The following FLACC1 variants were observed in gnomAD, a reference collection of about 807,000 sequenced individuals.
FLACC1 encodes the protein flagellum associated containing coiled-coil domains 1, also known as flagellum-associated coiled-coil domain-containing protein 1.
Under a neutral mutation model 62.8 loss-of-function variants are expected in FLACC1, and 66 were observed. The ratio of observed to expected loss-of-function variants is 1.05; its 90% confidence interval spans 0.86 to 1.29. The LOEUF (loss-of-function observed/expected upper bound fraction) is 1.29. Among genes scored for constraint, FLACC1 ranks in the 50% most tolerant of loss-of-function variants. The pLI is 0.00. For synonymous variants in FLACC1, 156 were observed against 161.0 expected (o/e 0.97, Z 0.24); for missense variants, 452 against 489.1 (o/e 0.92, Z 0.71).
chr2:201,302,226 A>G (rs1383549074), intron 11 of FLACC1, among the ~76,000 whole-genome samples: 1 of 152,226 alleles, frequency 6.6e-6, no homozygotes, highest in Admixed American at 6.5e-5. Context: ...AAATAAAAGG[A>G]TGGAGTAAGA....
intron 12 of FLACC1, among the ~76,000 whole-genome samples, chr2:201,295,309 C>G (rs959715371): frequency 2.0e-5 from 3 of 152,242 alleles, no homozygotes; most frequent in African/African-American, 4.8e-5. Context: ...GGTACCAAAA[C>G]AGAGATATAG....
upstream of FLACC1, among the ~76,000 whole-genome samples, chr2:201,359,054 G>A (rs1043176457): frequency 6.6e-6 from 1 of 152,218 alleles, no homozygotes; most frequent in African/African-American, 2.4e-5. Flanking sequence ...GTCTGTGGCA[G>A]TGGTCGTCAT....
intron 9 of FLACC1, among the ~76,000 whole-genome samples, chr2:201,309,905 C>CAAAAAAAAAAAAAAAAAAAAAA (rs1161849891): frequency 4.5e-5 from 2 of 44,638 alleles, no homozygotes; most frequent in Admixed American, 2.9e-4. Context: ...GACTCTGTCT[C>CAAAAAAAAAAAAAAAAAAAAAA]AAAAAAAAAA....
At position 201,351,308 on chromosome 2, in the gene FLACC1, A is replaced by G. The variant is rs1346593859; in HGVS notation, c.97T>C (p.Ser33Pro). 5 of 1,613,290 alleles carry G rather than the reference A, an allele frequency of 3.1e-6. No individual in the cohort carries two copies. In the African/African-American group the frequency reaches 6.7e-5, roughly 22 times the overall value. The change falls in exon 2 of 15, where the codon TCC becomes CCC. Residue 33 changes from serine (S) to proline (P), a missense_variant. Physicochemically the swap from Ser to Pro is moderately conservative, Grantham distance 74. This residue lies in a region of FLACC1 where 147 missense variants were observed against 152.7 expected (regional missense o/e 0.96). Transcript: ENST00000392257. ...IKTPQLPRKN[S>P]TGSSKLTPLV... is the part of the protein sequence containing the mutation. The stretch of plus-strand genomic sequence containing the variant: ...AATTCTTACTTGGAACTCCCTGTGG[A>G]GTTCTTGCGTGGTAGTTGAGGGGTC...
chr2:201,305,411 G>C (rs182504074), intron 11 of FLACC1, among the ~76,000 whole-genome samples: 1 of 152,190 alleles, frequency 6.6e-6, no homozygotes, highest in East Asian at 1.9e-4. Flanking sequence ...TTAGAATGGC[G>C]ATCATTAAAA....
chr2:201,341,134 T>G (rs960013771), intron 7 of FLACC1, among the ~76,000 whole-genome samples: 1 of 152,138 alleles, frequency 6.6e-6, no homozygotes, highest in African/African-American at 2.4e-5. Context: ...ACAGGAACTC[T>G]CTGTACTTTC....
At chr2:201,327,823 G>A (rs1162051075) in intron 9 of FLACC1, among the ~76,000 whole-genome samples, 3 of 152,076 alleles carry the variant, frequency 2.0e-5, no homozygotes, top group Non-Finnish European at 2.9e-5. Flanking sequence ...CTACCGAAAG[G>A]AAAATGAGTC....
chr2:201,360,024 T>C (rs1264568802), upstream of FLACC1, among the ~76,000 whole-genome samples: 1 of 151,908 alleles, frequency 6.6e-6, no homozygotes, highest in South Asian at 2.1e-4. Context: ...GCTGAAGGAA[T>C]ACCCCAGCCA....
chr2:201,300,082 C>G (rs56328050), intron 11 of FLACC1, among the ~76,000 whole-genome samples: 12,878 of 152,262 alleles, frequency 0.085, 734 homozygotes, highest in Non-Finnish European at 0.13. Flanking sequence ...GGGTGCAGGA[C>G]AGTGGGTGCA....
chr2:201,322,331 T>C (rs979158590), intron 9 of FLACC1, among the ~76,000 whole-genome samples: 1 of 150,282 alleles, frequency 6.7e-6, no homozygotes, highest in Non-Finnish European at 1.5e-5. Context: ...CACAGGGGAA[T>C]GAGATAAGCT....
intron 11 of FLACC1, among the ~76,000 whole-genome samples, chr2:201,306,292 C>T (rs898524523): frequency 2.6e-4 from 39 of 151,938 alleles, no homozygotes; most frequent in African/African-American, 9.2e-4. Context: ...CTCACTATCA[C>T]GAGAACAGAA....
chr2:201,292,479 G>T (rs1949758690), intron 12 of FLACC1, among the ~76,000 whole-genome samples: 1 of 152,176 alleles, frequency 6.6e-6, no homozygotes, highest in Non-Finnish European at 1.5e-5. Flanking sequence ...CAAATGCTGA[G>T]AGATTTGGTC....
chr2:201,346,712 T>C lies in FLACC1; in HGVS notation c.235-37A>G. 1 of 1,612,902 alleles carries C rather than the reference T, an allele frequency of 6.2e-7. No homozygotes were observed. The highest frequency in any genetic ancestry group is 8.5e-7 in the Non-Finnish European group (1 of 1,179,720). Reference sequence around the variant, plus strand: ...GGGAAAGTAAGATAAAATGGCAGACTTGGAGTGCTGAGATTTTTCCAAATC... The same window carrying C: ...GGGAAAGTAAGATAAAATGGCAGACCTGGAGTGCTGAGATTTTTCCAAATC... On this transcript the variant is annotated intron_variant, in intron 4 of 14. Transcript: ENST00000392257. This position sits in a 1 kb window ranked among gnomAD's most constrained non-coding sequence, Gnocchi z 4.0.
chr2:201,342,297 A>G, intron 7 of FLACC1, 73 bp downstream of exon 7: 2 of 1,499,280 alleles, frequency 1.3e-6, no homozygotes, highest in South Asian at 2.3e-5. Context: ...GTCCCAGTGA[A>G]CTAAAATCCT....
At chr2:201,336,216 G>A (rs1357915429) in intron 7 of FLACC1, among the ~76,000 whole-genome samples, 1 of 152,000 alleles carries the variant, frequency 6.6e-6, no homozygotes, top group African/African-American at 2.4e-5. Context: ...GTATCTATGT[G>A]TACACAATGT....
upstream of FLACC1, among the ~76,000 whole-genome samples, chr2:201,358,411 ATTTTT>A (rs529458487): frequency 0.42 from 49,796 of 119,882 alleles, 9,392 homozygotes; most frequent in South Asian, 0.54. Context: ...TGCCCAGCTA[ATTTTT>A]TTTTTTTTTT....
chr2:201,330,971 CT>C (rs375781288), intron 7 of FLACC1, 138 bp from the exon 8 acceptor site: 77,121 of 416,722 alleles, frequency 0.19, 1 homozygote, highest in South Asian at 0.23. Context: ...ATTTTTAAAT[CT>C]TTTTTTTTTT....
chr2:201,323,803 AGT>A (rs138863480), intron 9 of FLACC1, among the ~76,000 whole-genome samples: 5,040 of 119,012 alleles, frequency 0.042, 170 homozygotes, highest in African/African-American at 0.066. Context: ...AAAAAAAAAA[AGT>A]AAGGAAGGAA....
At chr2:201,294,098 G>A (rs898404707) in intron 12 of FLACC1, among the ~76,000 whole-genome samples, 1 of 152,206 alleles carries the variant, frequency 6.6e-6, no homozygotes, top group Non-Finnish European at 1.5e-5. Flanking sequence ...GAGGTACAAG[G>A]AGGAGCTGGT....
Sources: gnomAD v4.1 joint callset for allele counts (sites outside exome capture counted in the v4.1 genomes callset) on GRCh38, gnomAD v4.1.1 for gene constraint, gnomAD v4.1.1 regional missense constraint, Gnocchi (gnomAD v3.1) non-coding constraint, MANE v1.5 for transcripts, NCBI Gene and HGNC (gene_info 2026-07-23, HGNC 2026-07-21) for gene names.